The following ADD2 variants were observed in gnomAD, a reference collection of about 807,000 sequenced individuals.
ADD2 encodes the protein adducin 2.
A neutral mutation model predicts 83.0 loss-of-function variants in ADD2; 23 were observed. That is an observed-to-expected ratio of 0.28 (90% CI 0.20 to 0.39). ADD2 has a LOEUF of 0.39. Ranked by LOEUF, ADD2 falls within the 10% of genes least tolerant of loss-of-function variation. ADD2 has a pLI of 1.00. For synonymous variants in ADD2, 375 were observed against 375.4 expected (o/e 1.00, Z 0.01); for missense variants, 758 against 944.9 (o/e 0.80, Z 2.59).
chr2:70,756,165 A>C (rs1172728374), intron 1 of ADD2, among the ~76,000 whole-genome samples: 1 of 151,964 alleles, frequency 6.6e-6, no homozygotes, highest in Non-Finnish European at 1.5e-5. Flanking sequence ...GATCCTGCCT[A>C]CCCCCTTTCC....
intron 14 of ADD2, chr2:70,673,378 G>A (rs1030485508): frequency 5.8e-6 from 9 of 1,548,946 alleles, no homozygotes; most frequent in African/African-American, 2.7e-5. Context: ...GCACATCAAC[G>A]GGTAAGAGGT....
intron 1 of ADD2, among the ~76,000 whole-genome samples, chr2:70,756,494 T>A (rs1475798377): frequency 6.6e-6 from 1 of 152,220 alleles, no homozygotes; most frequent in Non-Finnish European, 1.5e-5. Context: ...GTAAGCAATA[T>A]CAACTCAGTC....
At chr2:70,767,764 C>T (rs1327075489) in intron 1 of ADD2, 122 bp downstream of exon 1, 5 of 1,456,868 alleles carry the variant, frequency 3.4e-6, no homozygotes, top group African/African-American at 1.4e-5. Flanking sequence ...CCGACGCGCT[C>T]GGCAACAGAC....
intron 2 of ADD2, among the ~76,000 whole-genome samples, chr2:70,712,449 A>AT (rs1574276266): frequency 7.8e-6 from 1 of 127,834 alleles, no homozygotes. Flanking sequence ...GTCTCAAAAA[A>AT]AATAAATAAA....
chr2:70,701,987 A>T (rs1553373551), intron 4 of ADD2, among the ~76,000 whole-genome samples: 1 of 152,186 alleles, frequency 6.6e-6, no homozygotes, highest in African/African-American at 2.4e-5. Flanking sequence ...AAATCAAAGG[A>T]TATAGCAGTG....
At chr2:70,699,614 T>C (rs1469984057) in intron 4 of ADD2, among the ~76,000 whole-genome samples, 1 of 152,142 alleles carries the variant, frequency 6.6e-6, no homozygotes, top group Non-Finnish European at 1.5e-5. Flanking sequence ...AACTCGTCTC[T>C]ATAAAAAATT....
At chr2:70,731,306 C>T (rs1186061167) in intron 1 of ADD2, among the ~76,000 whole-genome samples, 2 of 152,164 alleles carry the variant, frequency 1.3e-5, no homozygotes, top group Non-Finnish European at 2.9e-5. Flanking sequence ...CCACTGTCCA[C>T]ACCTACTACT....
chr2:70,755,247 G>A (rs1489348916), intron 1 of ADD2, among the ~76,000 whole-genome samples: 1 of 151,958 alleles, frequency 6.6e-6, no homozygotes, highest in Admixed American at 6.6e-5. Flanking sequence ...CTCCCTCTTC[G>A]CTCCACTCTC....
At chr2:70,746,332 A>C (rs1553381968) in intron 1 of ADD2, among the ~76,000 whole-genome samples, 1 of 152,230 alleles carries the variant, frequency 6.6e-6, no homozygotes. Flanking sequence ...TACAGTACCT[A>C]GCATACTACT....
intron 15 of ADD2, among the ~76,000 whole-genome samples, chr2:70,667,163 C>T (rs1438803679): frequency 6.6e-6 from 1 of 151,980 alleles, no homozygotes; most frequent in Non-Finnish European, 1.5e-5. Context: ...GACTTTATCT[C>T]CTGAATGGTG....
At chr2:70,740,016 CTAAAA>C (rs1673800412) in intron 1 of ADD2, among the ~76,000 whole-genome samples, 1 of 151,834 alleles carries the variant, frequency 6.6e-6, no homozygotes. Flanking sequence ...ACCCCTGAAC[CTAAAA>C]TAAAAGTTAA....
intron 2 of ADD2, among the ~76,000 whole-genome samples, chr2:70,710,227 T>C (rs909157045): frequency 2.0e-5 from 3 of 152,176 alleles, no homozygotes; most frequent in African/African-American, 4.8e-5. Context: ...CCAACTGAAC[T>C]CTCAGCTTCT....
chr2:70,680,802 C>A (rs1206011812), intron 10 of ADD2, among the ~76,000 whole-genome samples: 1 of 152,124 alleles, frequency 6.6e-6, no homozygotes, highest in Non-Finnish European at 1.5e-5. Flanking sequence ...GATACAAAAA[C>A]TACTGATTTT....
intron 1 of ADD2, chr2:70,767,612 C>G: frequency 7.8e-7 from 1 of 1,277,464 alleles, no homozygotes; most frequent in Non-Finnish European, 9.8e-7. Context: ...ACCTGTCAGG[C>G]GTTACGCTCC....
chr2:70,741,567 A>G (rs1558572870), intron 1 of ADD2, among the ~76,000 whole-genome samples: 1 of 152,216 alleles, frequency 6.6e-6, no homozygotes, highest in Non-Finnish European at 1.5e-5. Context: ...TCCCCACCAC[A>G]TTCCAGGTCA....
At chr2:70,713,596 G>C (rs1308140300) in intron 1 of ADD2, among the ~76,000 whole-genome samples, 2 of 152,180 alleles carry the variant, frequency 1.3e-5, no homozygotes, top group East Asian at 3.9e-4. Flanking sequence ...GGGGGAGGGA[G>C]TGAGACTCTG....
chr2:70,737,496 G>T lies in ADD2; in HGVS notation c.-153-24312C>A, dbSNP rs535720029. Among the ~76,000 whole-genome samples, 352 of 146,960 alleles carry T rather than the reference G, an allele frequency of 2.4e-3. 2 individuals carry two copies. The highest frequency in any genetic ancestry group is 8.5e-3 in the African/African-American group (338 of 39,966). ...AAGGACAAAAAACCAAACACTGCATGTTCTCACTCATAGGTGGGAATTGAA... is the reference window on the plus strand; with the variant it reads ...AAGGACAAAAAACCAAACACTGCATTTTCTCACTCATAGGTGGGAATTGAA... On this transcript the variant is annotated intron_variant, in intron 1 of 15. Transcript: ENST00000264436.
chr2:70,724,714 G>A (rs1553377927), intron 1 of ADD2, among the ~76,000 whole-genome samples: 2 of 152,240 alleles, frequency 1.3e-5, no homozygotes, highest in East Asian at 3.9e-4. Context: ...GGCTGTGCTT[G>A]TGCTCCTCTG....
intron 1 of ADD2, among the ~76,000 whole-genome samples, chr2:70,749,413 G>C (rs547546113): frequency 6.6e-6 from 1 of 152,304 alleles, no homozygotes; most frequent in African/African-American, 2.4e-5. Context: ...GTGAAGGACA[G>C]TTAGGACAAA....
Sources: allele counts gnomAD v4.1 joint callset (sites outside exome capture counted in the v4.1 genomes callset), GRCh38; gene constraint gnomAD v4.1.1; transcripts MANE v1.5; gene names NCBI Gene and HGNC (gene_info 2026-07-23, HGNC 2026-07-21).